Variants in POLA1 observed in about 807,000 individuals in gnomAD.
POLA1 encodes DNA polymerase alpha 1, catalytic subunit.
POLA1 carries 15 observed loss-of-function variants against 124.0 expected under a neutral mutation model. That is an observed-to-expected ratio of 0.12 (90% CI 0.08 to 0.19). The LOEUF (loss-of-function observed/expected upper bound fraction) is 0.19. Among genes scored for constraint, POLA1 ranks in the 10% least tolerant of loss-of-function variants. POLA1 has a pLI of 1.00. For missense variants in POLA1, 886 were observed against 1,103.4 expected (o/e 0.80, Z 2.79); for synonymous variants, 408 against 389.4 (o/e 1.05, Z -0.56).
intron 35 of POLA1, among the ~76,000 whole-genome samples, chrX:24,908,300 C>T (rs1210651561): frequency 9.1e-6 from 1 of 109,364 alleles, no homozygotes; most frequent in African/African-American, 3.3e-5. Flanking sequence ...AGGTTTGTTA[C>T]ATATGTATAC....
chrX:24,747,879 C>T (rs1294558786), intron 24 of POLA1, among the ~76,000 whole-genome samples: 5 of 110,035 alleles, frequency 4.5e-5, no homozygotes, highest in Non-Finnish European at 9.5e-5. Flanking sequence ...GGACTACAGG[C>T]GCCCGCCACC....
At chrX:24,730,724 G>A (rs1167444825) in intron 15 of POLA1, among the ~76,000 whole-genome samples, 1 of 112,321 alleles carries the variant, frequency 8.9e-6, no homozygotes, top group Admixed American at 9.4e-5. Flanking sequence ...ACTGAACAAA[G>A]ATGGGACAAT....
At position 24,926,808 on chromosome X, in the gene POLA1, T is replaced by C. The variant is rs937650692; in HGVS notation, c.4165-3645T>C. ...TCCACTCTATACTCTCATTTAGTTG[T>C]TCTGGGGCTGAGGTCTGATCATCAG... On this transcript the variant is annotated intron_variant, in intron 35 of 36. Coordinates refer to ENST00000379068, the MANE Select transcript of POLA1 (RefSeq NM_001330360.2). Among the ~76,000 whole-genome samples the C allele has an allele frequency of 4.5e-5, 5 of 110,097 alleles. 1 individual carries two copies. The East Asian group carries it at 1.4e-3, about 31-fold the overall frequency.
intron 26 of POLA1, among the ~76,000 whole-genome samples, chrX:24,798,936 TA>T (rs1349444349): frequency 3.6e-5 from 4 of 111,663 alleles, no homozygotes; most frequent in Admixed American, 2.8e-4. Context: ...ATTTTAATCA[TA>T]GCTAGCTCAT....
chrX:24,725,478 G>A (rs911081450), intron 12 of POLA1, among the ~76,000 whole-genome samples: 5 of 111,005 alleles, frequency 4.5e-5, no homozygotes, highest in South Asian at 3.8e-4. Flanking sequence ...GATAACAGGC[G>A]TGAGCCACCG....
intron 14 of POLA1, among the ~76,000 whole-genome samples, chrX:24,727,531 G>A (rs992170494): frequency 9.0e-6 from 1 of 111,293 alleles, no homozygotes; most frequent in Non-Finnish European, 1.9e-5. Flanking sequence ...CCTATTTTGG[G>A]TCCTGGATGC....
chrX:24,854,606 G>T (rs2046617046), intron 34 of POLA1, among the ~76,000 whole-genome samples: 1 of 111,243 alleles, frequency 9.0e-6, no homozygotes, highest in Non-Finnish European at 1.9e-5. Context: ...TGAGCAGGCG[G>T]ATCACCTCAC....
intron 36 of POLA1, among the ~76,000 whole-genome samples, chrX:24,944,455 T>C (rs2047939799): frequency 8.9e-6 from 1 of 111,863 alleles, no homozygotes. Flanking sequence ...TGTGTGTTGA[T>C]CTTTGGAAAC....
Position 24,891,184 on chromosome X carries a change from G to GT in POLA1, c.4164+3069dup, listed in dbSNP as rs900405324. Among the ~76,000 whole-genome samples the GT allele has an allele frequency of 5.4e-5, 6 of 111,838 alleles. No individual in the cohort carries two copies. The East Asian group carries it at 1.1e-3, about 21-fold the overall frequency. On this transcript the variant is annotated intron_variant, in intron 35 of 36. Transcript: ENST00000379068. ...ATCTTTTTAGATTTCAAAGTGACTT[G>GT]TTTTTTTCTTCATATCCTTGTCCTT...
chrX:24,915,706 A>G (rs1197398365), intron 35 of POLA1, among the ~76,000 whole-genome samples: 1 of 111,997 alleles, frequency 8.9e-6, no homozygotes, highest in African/African-American at 3.2e-5. Flanking sequence ...GACTGATTTC[A>G]TGCTTTATTT....
chrX:24,726,031 T>G lies in POLA1; in HGVS notation c.1368T>G (p.Ser456=), dbSNP rs775394484. 63 of 1,166,969 alleles carry G rather than the reference T, an allele frequency of 5.4e-5. No individual in the cohort carries two copies. Among genetic ancestry groups the G allele is most frequent in the Non-Finnish European group, 6.8e-5 (58 of 857,226 alleles). ...AFEIPDVPEK[S]EYLEVKYSAE... ...AGATACCTGATGTTCCAGAAAAATCTGAGTACTTGGAAGTTAAATACTCGG... is the reference window on the plus strand; with the variant it reads ...AGATACCTGATGTTCCAGAAAAATCGGAGTACTTGGAAGTTAAATACTCGG... The change falls in exon 13 of 37, where the codon TCT becomes TCG. Residue 456 remains serine (S), a synonymous_variant. Coordinates refer to ENST00000379068, the MANE Select transcript of POLA1 (RefSeq NM_001330360.2).
chrX:24,962,954 T>C (rs972377424), intron 36 of POLA1, among the ~76,000 whole-genome samples: 1 of 111,944 alleles, frequency 8.9e-6, no homozygotes, highest in Non-Finnish European at 1.9e-5. Flanking sequence ...TTAGTTATTC[T>C]CCTCTCCCTT....
At chrX:24,913,751 GGC>G (rs1457430920) in intron 35 of POLA1, among the ~76,000 whole-genome samples, 1 of 108,312 alleles carries the variant, frequency 9.2e-6, no homozygotes, top group African/African-American at 3.4e-5. Flanking sequence ...TGGTAAGCCG[GGC>G]GTGGTGGCTC....
intron 36 of POLA1, among the ~76,000 whole-genome samples, chrX:24,977,498 A>G (rs2048378326): frequency 9.0e-6 from 1 of 110,884 alleles, no homozygotes; most frequent in Non-Finnish European, 1.9e-5. Context: ...CACCCAGTGC[A>G]TGGGCACATT....
intron 35 of POLA1, among the ~76,000 whole-genome samples, chrX:24,905,184 A>C (rs980927895): frequency 3.6e-5 from 4 of 109,963 alleles, no homozygotes; most frequent in African/African-American, 1.3e-4. Context: ...GATCCAAAAA[A>C]CTGCAAAAGT....
chrX:24,746,855 A>G (rs1238762875), intron 24 of POLA1, among the ~76,000 whole-genome samples: 1 of 112,281 alleles, frequency 8.9e-6, no homozygotes, highest in Non-Finnish European at 1.9e-5. Flanking sequence ...GACTTGATGT[A>G]CTTTAAACCA....
chrX:24,747,277 T>C (rs1321431899), intron 24 of POLA1, among the ~76,000 whole-genome samples: 1 of 109,198 alleles, frequency 9.2e-6, no homozygotes, highest in Non-Finnish European at 1.9e-5. Flanking sequence ...GCAATTCTCC[T>C]GCCTCAGCCT....
chrX:24,908,084 A>C (rs903683222), intron 35 of POLA1, among the ~76,000 whole-genome samples: 2 of 111,238 alleles, frequency 1.8e-5, no homozygotes, highest in Admixed American at 9.5e-5. Flanking sequence ...GCAATGTTCA[A>C]ATAACCAAGA....
intron 36 of POLA1, among the ~76,000 whole-genome samples, chrX:24,981,746 T>C (rs756225945): frequency 8.9e-6 from 1 of 112,543 alleles, no homozygotes; most frequent in Non-Finnish European, 1.9e-5. Flanking sequence ...TATTATCACA[T>C]ATTTACTCAT....
Sources: allele counts gnomAD v4.1 joint callset (sites outside exome capture counted in the v4.1 genomes callset), GRCh38; gene constraint gnomAD v4.1.1; transcripts MANE v1.5; gene names NCBI Gene and HGNC (gene_info 2026-07-23, HGNC 2026-07-21).